The following NEK1 variants were observed in gnomAD, a reference collection of about 807,000 sequenced individuals.
NEK1 encodes the protein serine/threonine-protein kinase Nek1.
NEK1 carries 137 observed loss-of-function variants against 182.1 expected under a neutral mutation model. That is an observed-to-expected ratio of 0.75 (90% CI 0.65 to 0.87). The LOEUF (loss-of-function observed/expected upper bound fraction) is 0.87. NEK1 is among the 40% of genes least tolerant of loss of function. The probability of loss-of-function intolerance (pLI) is 0.00; values close to 1 mark genes in which losing one functional copy is unlikely to be tolerated. For synonymous variants in NEK1, 513 were observed against 492.2 expected, an observed-to-expected ratio of 1.04 and a Z score of -0.56; for missense variants, 1,391 against 1,494.4, an observed-to-expected ratio of 0.93 and a Z score of 1.14.
At chr4:169,575,677 C>T (rs2150027900) in intron 12 of NEK1, among the ~76,000 whole-genome samples, 1 of 152,318 alleles carries the variant, frequency 6.6e-6, no homozygotes, top group East Asian at 1.9e-4. Flanking sequence ...ACTGACACTC[C>T]AGGCAGTTTC....
chr4:169,550,074 T>C (rs1213307441), intron 18 of NEK1, among the ~76,000 whole-genome samples: 2 of 152,176 alleles, frequency 1.3e-5, no homozygotes, highest in Non-Finnish European at 2.9e-5. Flanking sequence ...AAATCTCAAA[T>C]TGAAACTCCC....
chr4:169,584,978 G>A (rs1452542034), intron 10 of NEK1, among the ~76,000 whole-genome samples: 1 of 152,172 alleles, frequency 6.6e-6, no homozygotes, highest in Non-Finnish European at 1.5e-5. Context: ...CTGAGGCCAG[G>A]AGTTCCAGAC....
chr4:169,542,024 AC>A (rs1282253219), intron 18 of NEK1, among the ~76,000 whole-genome samples: 2 of 151,794 alleles, frequency 1.3e-5, no homozygotes, highest in African/African-American at 4.8e-5. Flanking sequence ...AAATTCCCAG[AC>A]TCTTTTTGTT....
intron 19 of NEK1, among the ~76,000 whole-genome samples, chr4:169,528,957 A>G (rs1454260747): frequency 6.6e-6 from 1 of 152,214 alleles, no homozygotes; most frequent in Non-Finnish European, 1.5e-5. Flanking sequence ...CCAGAAAACG[A>G]CAACAGAGAT....
intron 23 of NEK1, among the ~76,000 whole-genome samples, chr4:169,482,689 A>C (rs1378320617): frequency 6.6e-6 from 1 of 151,530 alleles, no homozygotes; most frequent in Admixed American, 6.6e-5. Context: ...GCTGGAGTGC[A>C]ATGGGGTGCA....
chr4:169,447,328 A>C (rs1341660805), intron 27 of NEK1, among the ~76,000 whole-genome samples: 1 of 152,154 alleles, frequency 6.6e-6, no homozygotes, highest in African/African-American at 2.4e-5. Context: ...TCCTTCAAAC[A>C]TAATGAAGAA....
chr4:169,539,423 G>A (rs990594112), intron 18 of NEK1, among the ~76,000 whole-genome samples: 1 of 152,108 alleles, frequency 6.6e-6, no homozygotes, highest in African/African-American at 2.4e-5. Context: ...GCTCTGACAT[G>A]AGATTAATAA....
At chr4:169,522,906 G>A (rs1390474136) in intron 19 of NEK1, among the ~76,000 whole-genome samples, 1 of 152,150 alleles carries the variant, frequency 6.6e-6, no homozygotes, top group Admixed American at 6.5e-5. Context: ...GATCTGGGTT[G>A]CAGGCCTCTC....
intron 9 of NEK1, 61 bp downstream of exon 9, chr4:169,587,497 AT>A: frequency 1.1e-6 from 1 of 917,178 alleles, no homozygotes; most frequent in Non-Finnish European, 1.6e-6. Flanking sequence ...TTAAAATATA[AT>A]AAAAACATTA....
rs72973052 is a variant in NEK1 at position 169,459,241 on chromosome 4, G to A, written c.2587+4002C>T. 7.9e-3 allele frequency among the ~76,000 whole-genome samples: 1,199 copies of A among 152,138 alleles called. 19 individuals carry two copies. Among genetic ancestry groups the A allele is most frequent in the African/African-American group, 0.027 (1,127 of 41,492 alleles). On this transcript the variant is annotated intron_variant, in intron 27 of 35. Coordinates refer to ENST00000507142, the MANE Select transcript of NEK1 (RefSeq NM_001199397.3). ...AGATCTCAACAGGCAACTCACTAAGGTATACAGGTGGCAAAGCAGCATATA... is the reference window on the plus strand; with the variant it reads ...AGATCTCAACAGGCAACTCACTAAGATATACAGGTGGCAAAGCAGCATATA...
At chr4:169,542,936 T>C (rs573859732) in intron 18 of NEK1, among the ~76,000 whole-genome samples, 2 of 152,326 alleles carry the variant, frequency 1.3e-5, no homozygotes, top group Admixed American at 6.5e-5. Context: ...ATTCTGTAGG[T>C]TGCCTGTTCA....
At chr4:169,566,888 G>A (rs1214954338) in intron 12 of NEK1, among the ~76,000 whole-genome samples, 1 of 152,084 alleles carries the variant, frequency 6.6e-6, no homozygotes, top group Admixed American at 6.5e-5. Flanking sequence ...TGGATCACTT[G>A]AGCCCAGGAG....
intron 9 of NEK1, 149 bp downstream of exon 9, chr4:169,587,410 T>G (rs1767713362): frequency 2.1e-6 from 1 of 476,388 alleles, no homozygotes; most frequent in African/African-American, 2.1e-5. Flanking sequence ...GATTTATACT[T>G]CAGAAAAAAT....
chr4:169,491,762 A>G (rs538409671), intron 23 of NEK1, among the ~76,000 whole-genome samples: 5 of 152,324 alleles, frequency 3.3e-5, no homozygotes, highest in African/African-American at 9.6e-5. Flanking sequence ...TCAAATTGCT[A>G]TTATAAAGGT....
At chr4:169,514,172 G>A (rs1332835849) in intron 19 of NEK1, among the ~76,000 whole-genome samples, 1 of 151,984 alleles carries the variant, frequency 6.6e-6, no homozygotes. Context: ...ATTATTAGTA[G>A]AGACAGGGTT....
chr4:169,476,185 CAGAT>C (rs1040760059), intron 26 of NEK1, among the ~76,000 whole-genome samples: 4 of 152,168 alleles, frequency 2.6e-5, no homozygotes, highest in Non-Finnish European at 4.4e-5. Context: ...TAAAAGCAGA[CAGAT>C]AGTGTCCCCA....
chr4:169,588,366 T>A (rs1012031070), intron 8 of NEK1, among the ~76,000 whole-genome samples: 74 of 152,220 alleles, frequency 4.9e-4, no homozygotes, highest in African/African-American at 1.8e-3. Flanking sequence ...ATACTAGCAA[T>A]AATTTAATAA....
At chr4:169,408,518 G>A (rs980281563) in intron 31 of NEK1, among the ~76,000 whole-genome samples, 5 of 151,854 alleles carry the variant, frequency 3.3e-5, no homozygotes, top group African/African-American at 4.8e-5. Context: ...GTGATTTTTG[G>A]TTACATGGAT....
chr4:169,575,869 A>C (rs1448202859), intron 12 of NEK1, among the ~76,000 whole-genome samples: 3 of 152,174 alleles, frequency 2.0e-5, no homozygotes, highest in African/African-American at 7.2e-5. Context: ...CAGCACTAGG[A>C]ATAGCAGCTG....
Sources: gnomAD v4.1 joint callset for allele counts (sites outside exome capture counted in the v4.1 genomes callset) on GRCh38, gnomAD v4.1.1 for gene constraint, MANE v1.5 for transcripts, NCBI Gene and HGNC (gene_info 2026-07-23, HGNC 2026-07-21) for gene names.